NUP160: variants seen among roughly 807,000 people sequenced by gnomAD.
The protein encoded by NUP160 is nuclear pore complex protein Nup160.
Under a neutral mutation model 196.9 loss-of-function variants are expected in NUP160, and 94 were observed. That is an observed-to-expected ratio of 0.48 (90% CI 0.40 to 0.57). NUP160 has a LOEUF of 0.57. Ranked by LOEUF, NUP160 falls within the 20% of genes least tolerant of loss-of-function variation. NUP160 has a pLI of 0.00. For missense variants in NUP160, 1,638 were observed against 1,748.3 expected (o/e 0.94, Z 1.13); for synonymous variants, 605 against 619.7 (o/e 0.98, Z 0.35).
At position 47,832,718 on chromosome 11, in the gene NUP160, A is replaced by G. The variant is rs545489022; in HGVS notation, c.1101+2933T>C. Among the ~76,000 whole-genome samples, 49 of 152,320 alleles carry G rather than the reference A, an allele frequency of 3.2e-4. 1 individual carries two copies. Among genetic ancestry groups the G allele is most frequent in the South Asian group, 2.1e-4 (1 of 4,832 alleles). On this transcript the variant is annotated intron_variant, in intron 7 of 35. Coordinates refer to ENST00000378460, the Ensembl canonical transcript of NUP160. ...GCTGATCTGATTTGAGTTAACAGTA[A>G]AACTCCGGTCTCCTGTTTAGCTGGC... is the stretch of plus-strand genomic sequence containing the variant.
chr11:47,814,412 C>T (rs1462520208), intron 13 of NUP160, among the ~76,000 whole-genome samples: 4 of 151,802 alleles, frequency 2.6e-5, no homozygotes, highest in Non-Finnish European at 4.4e-5. Flanking sequence ...TGTGGTGGCG[C>T]GTGCCTATAA....
At chr11:47,814,679 C>T (rs1209978769) in intron 13 of NUP160, among the ~76,000 whole-genome samples, 1 of 151,846 alleles carries the variant, frequency 6.6e-6, no homozygotes, top group Non-Finnish European at 1.5e-5. Context: ...ATGTCAATAT[C>T]AAATAACCTG....
At chr11:47,847,880 C>T in exon 2 of NUP160, 2 of 1,613,952 alleles carry the variant, frequency 1.2e-6, no homozygotes, top group Non-Finnish European at 1.7e-6. Flanking sequence ...TTACGGAGAA[C>T]AACTTGCCAC....
chr11:47,810,099 T>C (rs913920335), intron 17 of NUP160, among the ~76,000 whole-genome samples: 1 of 152,104 alleles, frequency 6.6e-6, no homozygotes, highest in African/African-American at 2.4e-5. Flanking sequence ...AGAATCTACA[T>C]AGATCAAAAA....
In NUP160 at chr11:47,817,342, C is replaced by CTT. The variant is rs904451058; in HGVS notation, c.1431+712_1431+713dup. Reference sequence around the variant, plus strand: ...TATACAATGAATTTGAAGCCAAAAACTTTTTTTTTTTTTTTTTTTGAGACA... The same window carrying CTT: ...TATACAATGAATTTGAAGCCAAAAACTTTTTTTTTTTTTTTTTTTTTGAGACA... On this transcript the variant is annotated intron_variant, in intron 11 of 35. Coordinates refer to ENST00000378460, the Ensembl canonical transcript of NUP160. Among the ~76,000 whole-genome samples the CTT allele has an allele frequency of 2.8e-3, 374 of 132,382 alleles. 1 individual carries two copies. Among genetic ancestry groups the CTT allele is most frequent in the Middle Eastern group, 0.016 (4 of 258 alleles). The allele number at this position is 132,382 out of a possible 152,430, so 86.8% of individuals were successfully genotyped here.
intron 29 of NUP160, among the ~76,000 whole-genome samples, chr11:47,791,403 G>A (rs377562697): frequency 8.0e-4 from 122 of 152,232 alleles, no homozygotes; most frequent in African/African-American, 2.9e-3. Flanking sequence ...GCAGTGGCAC[G>A]ATGTGTGCTC....
chr11:47,783,032 G>T, intron 34 of NUP160, 41 bp downstream of exon 34: 2 of 1,566,938 alleles, frequency 1.3e-6, no homozygotes, highest in Non-Finnish European at 1.8e-6. Context: ...AAAATCGTAA[G>T]TCAAACCATT....
At chr11:47,788,868 T>C (rs906714740) in intron 29 of NUP160, among the ~76,000 whole-genome samples, 2 of 151,704 alleles carry the variant, frequency 1.3e-5, no homozygotes, top group African/African-American at 4.8e-5. Flanking sequence ...TTCATTTAAC[T>C]CTTTAAACTT....
At chr11:47,840,687 T>A in intron 2 of NUP160, 99 bp from the exon 3 acceptor site, 2 of 913,098 alleles carry the variant, frequency 2.2e-6, no homozygotes, top group Non-Finnish European at 3.2e-6. Context: ...CTCACCAAAT[T>A]TGAAAATTTT....
At chr11:47,821,778 G>A (rs1851862548) in exon 9 of NUP160, 1 of 1,614,058 alleles carries the variant, frequency 6.2e-7, no homozygotes, top group East Asian at 2.2e-5. Flanking sequence ...ATGCCACAGG[G>A]CCCAGATATC....
chr11:47,816,658 C>T (rs979874650), intron 11 of NUP160, among the ~76,000 whole-genome samples: 2 of 152,112 alleles, frequency 1.3e-5, no homozygotes, highest in African/African-American at 2.4e-5. Flanking sequence ...CGTCTGTAGT[C>T]CCAGCTACTT....
At chr11:47,791,110 T>C (rs1344400793) in intron 29 of NUP160, among the ~76,000 whole-genome samples, 1 of 152,222 alleles carries the variant, frequency 6.6e-6, no homozygotes, top group Non-Finnish European at 1.5e-5. Context: ...CACAAGGTTT[T>C]TGTACCTACT....
At chr11:47,807,373 A>T (rs2097678328) in intron 18 of NUP160, among the ~76,000 whole-genome samples, 1 of 152,220 alleles carries the variant, frequency 6.6e-6, no homozygotes, top group African/African-American at 2.4e-5. Flanking sequence ...CTTATTGAAA[A>T]TGTGAATCTC....
At chr11:47,791,970 G>A in exon 29 of NUP160, 2 of 1,611,644 alleles carry the variant, frequency 1.2e-6, no homozygotes, top group South Asian at 1.1e-5. Flanking sequence ...TCCTCTTAGG[G>A]GATGCTCCAG....
chr11:47,789,439 A>G (rs1222171771), intron 29 of NUP160, among the ~76,000 whole-genome samples: 1 of 152,224 alleles, frequency 6.6e-6, no homozygotes, highest in Non-Finnish European at 1.5e-5. Flanking sequence ...TTATGGAAGG[A>G]TATCATGCCT....
At chr11:47,834,414 C>A (rs1315508451) in intron 7 of NUP160, among the ~76,000 whole-genome samples, 4 of 152,036 alleles carry the variant, frequency 2.6e-5, no homozygotes, top group Non-Finnish European at 5.9e-5. Flanking sequence ...TCAAATAGTT[C>A]AAGGGTTGTC....
chr11:47,840,044 T>A, exon 4 of NUP160: 1 of 1,611,712 alleles, frequency 6.2e-7, no homozygotes, highest in Non-Finnish European at 8.5e-7. Context: ...ATTGACTGCA[T>A]CTGACTGTCA....
At chr11:47,825,749 A>G (rs1211081634) in intron 7 of NUP160, among the ~76,000 whole-genome samples, 1 of 151,844 alleles carries the variant, frequency 6.6e-6, no homozygotes, top group African/African-American at 2.4e-5. Flanking sequence ...CATACAGCCT[A>G]ATTTTTGTAT....
rs1248713466 is a variant in NUP160 at position 47,788,628 on chromosome 11, A to C, written c.3512-17T>G. ...GTCGATTTGCTATACATCAAAGAAAAATATTTTGAACTCCCAAAATACAAA... is the reference window on the plus strand; with the variant it reads ...GTCGATTTGCTATACATCAAAGAAACATATTTTGAACTCCCAAAATACAAA... On this transcript the variant is annotated splice_polypyrimidine_tract_variant and intron_variant, in intron 29 of 35. Coordinates refer to ENST00000378460, the Ensembl canonical transcript of NUP160. 6 of 1,543,114 alleles carry C rather than the reference A, an allele frequency of 3.9e-6. No homozygotes were observed. The highest frequency in any genetic ancestry group is 5.4e-6 in the Non-Finnish European group (6 of 1,116,818).
Sources: gnomAD v4.1 joint callset for allele counts (sites outside exome capture counted in the v4.1 genomes callset) on GRCh38, gnomAD v4.1.1 for gene constraint, MANE v1.5 for transcripts, NCBI Gene and HGNC (gene_info 2026-07-23, HGNC 2026-07-21) for gene names.